Variants in STAG2 observed in about 807,000 individuals in gnomAD.
STAG2 encodes the protein cohesin subunit SA-2.
Under a neutral mutation model 108.1 loss-of-function variants are expected in STAG2, and 14 were observed. The observed-to-expected ratio is 0.13, with a 90% CI of 0.09 to 0.20. The LOEUF is 0.20. Among genes scored for constraint, STAG2 ranks in the 10% least tolerant of loss-of-function variants. STAG2 has a pLI of 1.00. For synonymous variants in STAG2, 307 were observed against 302.7 expected (o/e 1.01, Z -0.15); for missense variants, 440 against 940.9 (o/e 0.47, Z 6.96).
intron 13 of STAG2, among the ~76,000 whole-genome samples, chrX:124,051,650 G>A (rs1211538260): frequency 1.8e-5 from 2 of 109,361 alleles, no homozygotes; most frequent in Non-Finnish European, 3.8e-5. Context: ...GAGTGCAGTG[G>A]TACGATCTCA....
At chrX:124,092,696 T>A (rs1322329306) in intron 32 of STAG2, among the ~76,000 whole-genome samples, 2 of 112,584 alleles carry the variant, frequency 1.8e-5, no homozygotes, top group Non-Finnish European at 3.8e-5. Context: ...TAATGGTATC[T>A]GCCCTATAAC....
intron 8 of STAG2, 46 bp from the exon 9 acceptor site, chrX:124,047,308 G>A (rs1263251604): frequency 9.4e-7 from 1 of 1,066,690 alleles, no homozygotes; most frequent in East Asian, 3.3e-5. Flanking sequence ...GTAAATTTTT[G>A]TGTCTGTTAG....
chrX:123,979,697 G>A (rs2054783347), intron 1 of STAG2, among the ~76,000 whole-genome samples: 1 of 111,032 alleles, frequency 9.0e-6, no homozygotes, highest in South Asian at 3.7e-4. Context: ...GTTCTGTAGA[G>A]CCTTTTATCT....
chrX:124,082,160 C>A (rs190037241), intron 28 of STAG2, among the ~76,000 whole-genome samples: 1 of 112,012 alleles, frequency 8.9e-6, no homozygotes, highest in Non-Finnish European at 1.9e-5. Context: ...ATAGAGAAAT[C>A]TTTGAGGTTT....
At chrX:124,084,312 A>AAC (rs1394205168) in intron 29 of STAG2, among the ~76,000 whole-genome samples, 1 of 110,837 alleles carries the variant, frequency 9.0e-6, no homozygotes, top group Non-Finnish European at 1.9e-5. Context: ...TTTGAATGGG[A>AAC]ACACTAGGGT....
chrX:124,099,260 A>C (rs2059454162), intron 34 of STAG2, among the ~76,000 whole-genome samples: 1 of 112,028 alleles, frequency 8.9e-6, no homozygotes, highest in Admixed American at 9.5e-5. Flanking sequence ...GTTCGTCTTC[A>C]TCCCATACTC....
chrX:124,054,450 T>G (rs907430199), intron 13 of STAG2, among the ~76,000 whole-genome samples: 2 of 111,989 alleles, frequency 1.8e-5, no homozygotes, highest in Non-Finnish European at 3.8e-5. Context: ...GTTGCATTCT[T>G]TAATTTTTAA....
At chrX:124,041,658 C>T (rs1242262435) in intron 6 of STAG2, among the ~76,000 whole-genome samples, 1 of 110,480 alleles carries the variant, frequency 9.1e-6, no homozygotes, top group Non-Finnish European at 1.9e-5. Context: ...TTACCCCTGC[C>T]CCCATCTCTC....
rs1569501913 is a variant in STAG2, at chrX:124,009,433, AGGTAGG to A, written c.-162-11933_-162-11928del. 1.9e-3 allele frequency among the ~76,000 whole-genome samples: 188 copies of A among 97,366 alleles called. 1 individual carries two copies. The highest frequency in any genetic ancestry group is 6.0e-3 in the African/African-American group (161 of 26,984). The allele number at this position is 97,366 out of a possible 115,157, so 84.6% of individuals were successfully genotyped here. A position where few individuals can be genotyped will look rare whatever the true frequency, so the allele number is the denominator to read the frequency against. ...TAGGTAGGTAGGTAGGTAGGTAGGT[AGGTAGG>A]TAGGTAGATAGATAGATAGATAGAT... On this transcript the variant is annotated intron_variant, in intron 1 of 34. Transcript: ENST00000371145.
intron 13 of STAG2, among the ~76,000 whole-genome samples, chrX:124,054,984 C>T (rs1332807505): frequency 2.7e-5 from 3 of 110,616 alleles, no homozygotes; most frequent in Non-Finnish European, 5.7e-5. Flanking sequence ...CCAGCCTAGT[C>T]TCGAACACCT....
intron 16 of STAG2, 28 bp from the exon 17 acceptor site, chrX:124,061,743 C>CT (rs36097834): frequency 0.033 from 15,014 of 461,622 alleles, 246 homozygotes; most frequent in African/African-American, 0.089. Context: ...CTCTTTCTGA[C>CT]TTTTTTTTTT....
rs184588301 is a variant in STAG2, at chrX:123,999,515, C to T, written c.-162-21852C>T. Among the ~76,000 whole-genome samples, 15 of 111,588 alleles carry T rather than the reference C, an allele frequency of 1.3e-4. No homozygotes were observed. The East Asian group carries it at 4.2e-3, about 31-fold the overall frequency. Reference sequence around the variant, plus strand: ...CTAGAGTGCAGTGGCATAATCATAGCTCACTGCAATCTCCCAACTTGTGGG... The same window carrying T: ...CTAGAGTGCAGTGGCATAATCATAGTTCACTGCAATCTCCCAACTTGTGGG... On this transcript the variant is annotated intron_variant, in intron 1 of 34. Transcript: ENST00000371145.
In STAG2 at chrX:124,032,043, T is replaced by C. The variant is rs762909597; in HGVS notation, c.288+918T>C. 9.8e-5 allele frequency among the ~76,000 whole-genome samples: 11 copies of C among 112,287 alleles called. No individual in the cohort carries two copies. In the South Asian group the frequency reaches 3.6e-3, roughly 37 times the overall value. On this transcript the variant is annotated intron_variant, in intron 5 of 34. Coordinates refer to ENST00000371145, the MANE Select transcript of STAG2 (RefSeq NM_001042750.2). ...CCACGCCCAGCCCCAACCCATTATT[T>C]TTTTTTAATGGCCTAAGGTAAAAAA...
intron 20 of STAG2, 118 bp from the exon 21 acceptor site, chrX:124,065,758 A>G (rs2058507486): frequency 6.3e-6 from 3 of 473,839 alleles, no homozygotes; most frequent in Non-Finnish European, 9.6e-6. Context: ...GTATTGAATG[A>G]CAAAGTTCAT....
At position 124,082,428 on chromosome X, in the gene STAG2, C is replaced by G. The variant is rs779877945; in HGVS notation, c.2924+900C>G. ...ATCTGTTACCTGTGGGTTAAAGAAC[C>G]TTGCTTTTAGATTCTCGGACTCTCC... On this transcript the variant is annotated intron_variant, in intron 28 of 34. Coordinates refer to ENST00000371145, the MANE Select transcript of STAG2 (RefSeq NM_001042750.2). 9.3e-4 allele frequency among the ~76,000 whole-genome samples: 104 copies of G among 111,981 alleles called. 1 individual carries two copies. Among genetic ancestry groups the G allele is most frequent in the African/African-American group, 3.3e-3 (103 of 30,856 alleles).
At chrX:124,078,828 G>A (rs2058870542) in intron 27 of STAG2, among the ~76,000 whole-genome samples, 1 of 108,719 alleles carries the variant, frequency 9.2e-6, no homozygotes. Flanking sequence ...AATTAGCTGG[G>A]CATGATGATG....
chrX:124,055,175 C>G (rs920309122), intron 13 of STAG2, among the ~76,000 whole-genome samples: 1 of 112,170 alleles, frequency 8.9e-6, no homozygotes, highest in Non-Finnish European at 1.9e-5. Context: ...TGAATTTTAA[C>G]AATTTAGTTC....
chrX:124,095,987 A>G (rs1252939914), intron 34 of STAG2, among the ~76,000 whole-genome samples: 2 of 110,043 alleles, frequency 1.8e-5, no homozygotes, highest in Non-Finnish European at 3.8e-5. Context: ...AGTACCTCTT[A>G]TATCAGTCCC....
At chrX:124,058,055 A>C in intron 15 of STAG2, 78 bp downstream of exon 15, 1 of 524,518 alleles carries the variant, frequency 1.9e-6, no homozygotes. Flanking sequence ...CATTTAAAAA[A>C]ATATTCCTTG....
Sources: allele counts gnomAD v4.1 joint callset (sites outside exome capture counted in the v4.1 genomes callset), GRCh38; gene constraint gnomAD v4.1.1; transcripts MANE v1.5; gene names NCBI Gene and HGNC (gene_info 2026-07-23, HGNC 2026-07-21).